The following NSMCE2 variants were observed in gnomAD, a reference collection of about 807,000 sequenced individuals.
NSMCE2 encodes the protein E3 SUMO-protein ligase NSE2.
In NSMCE2, 24 loss-of-function variants were observed where a neutral mutation model predicts 23.8. The ratio of observed to expected loss-of-function variants is 1.01; its 90% confidence interval spans 0.73 to 1.42. NSMCE2 has a LOEUF of 1.42. NSMCE2 is among the 40% of genes most tolerant of loss of function. The pLI is 0.00. For missense variants in NSMCE2, 284 were observed against 296.5 expected (o/e 0.96, Z 0.31); for synonymous variants, 92 against 94.1 (o/e 0.98, Z 0.13).
chr8:125,266,411 T>G (rs540647240), intron 5 of NSMCE2, among the ~76,000 whole-genome samples: 1 of 152,244 alleles, frequency 6.6e-6, no homozygotes, highest in Admixed American at 6.5e-5. Flanking sequence ...CTACAGACTT[T>G]ACTCTTTAGT....
intron 5 of NSMCE2, among the ~76,000 whole-genome samples, chr8:125,303,202 C>T (rs539642240): frequency 6.6e-6 from 1 of 152,302 alleles, no homozygotes; most frequent in East Asian, 1.9e-4. Context: ...TGTGAACCTG[C>T]AGTTCAGCTT....
intron 3 of NSMCE2, among the ~76,000 whole-genome samples, chr8:125,134,440 G>C (rs190054329): frequency 3.3e-5 from 5 of 152,176 alleles, no homozygotes; most frequent in African/African-American, 9.7e-5. Context: ...GCTACAGGCA[G>C]TCTTCTTACT....
intron 4 of NSMCE2, among the ~76,000 whole-genome samples, chr8:125,168,337 A>G (rs1822001301): frequency 6.6e-6 from 1 of 152,164 alleles, no homozygotes; most frequent in African/African-American, 2.4e-5. Context: ...CACTGGGAGG[A>G]GGATGGAAGA....
chr8:125,241,861 G>A (rs904164183), intron 5 of NSMCE2, among the ~76,000 whole-genome samples: 2 of 152,174 alleles, frequency 1.3e-5, no homozygotes, highest in African/African-American at 2.4e-5. Context: ...TAGATATGGT[G>A]GGGAACAAGA....
At chr8:125,098,417 A>G (rs1156516558) in intron 1 of NSMCE2, among the ~76,000 whole-genome samples, 1 of 152,162 alleles carries the variant, frequency 6.6e-6, no homozygotes, top group East Asian at 1.9e-4. Flanking sequence ...CCGGTGAGTC[A>G]GGAAGTCCTT....
intron 5 of NSMCE2, among the ~76,000 whole-genome samples, chr8:125,341,832 T>C (rs751129710): frequency 1.4e-5 from 2 of 143,010 alleles, no homozygotes; most frequent in Non-Finnish European, 3.0e-5. Flanking sequence ...CAGAACCAAC[T>C]TGAAGCCACC....
chr8:125,272,420 G>A (rs1406730257), intron 5 of NSMCE2, among the ~76,000 whole-genome samples: 1 of 150,916 alleles, frequency 6.6e-6, no homozygotes, highest in Non-Finnish European at 1.5e-5. Flanking sequence ...TCAGCATTTA[G>A]ATCTAGAAAA....
intron 4 of NSMCE2, among the ~76,000 whole-genome samples, chr8:125,176,278 A>G (rs763621285): frequency 7.2e-5 from 11 of 152,188 alleles, no homozygotes; most frequent in Non-Finnish European, 1.5e-4. Flanking sequence ...TCAAAAATCT[A>G]ATGCACACTT....
chr8:125,210,945 C>T (rs556513410), intron 5 of NSMCE2, among the ~76,000 whole-genome samples: 1 of 152,002 alleles, frequency 6.6e-6, no homozygotes, highest in Non-Finnish European at 1.5e-5. Flanking sequence ...GTTGGCCAGG[C>T]TGGTCTTGGA....
At chr8:125,230,398 A>G (rs1825276057) in intron 5 of NSMCE2, among the ~76,000 whole-genome samples, 1 of 152,182 alleles carries the variant, frequency 6.6e-6, no homozygotes, top group African/African-American at 2.4e-5. Context: ...GTTTGGTTCA[A>G]TTTCATTTGA....
chr8:125,134,248 G>A (rs1414518184), intron 3 of NSMCE2, among the ~76,000 whole-genome samples: 1 of 152,174 alleles, frequency 6.6e-6, no homozygotes. Context: ...GAAGACTTCT[G>A]AGTCATTATG....
intron 7 of NSMCE2, among the ~76,000 whole-genome samples, chr8:125,364,363 A>G (rs545040451): frequency 9.3e-4 from 142 of 152,346 alleles, no homozygotes; most frequent in African/African-American, 3.2e-3. Context: ...ACTTTCTTTC[A>G]TGTTGGACTG....
intron 5 of NSMCE2, among the ~76,000 whole-genome samples, chr8:125,334,874 A>C (rs1482741461): frequency 7.7e-6 from 1 of 129,448 alleles, no homozygotes; most frequent in Non-Finnish European, 1.6e-5. Context: ...TCCCACCTCA[A>C]CCTCCTGATA....
At chr8:125,316,630 CT>C (rs1377922081) in intron 5 of NSMCE2, among the ~76,000 whole-genome samples, 30 of 56,208 alleles carry the variant, frequency 5.3e-4, no homozygotes, top group African/African-American at 9.3e-4. Flanking sequence ...TCCTTCTTTC[CT>C]TTCTTTATTT....
At chr8:125,328,158 T>TC (rs2131290321) in intron 5 of NSMCE2, among the ~76,000 whole-genome samples, 1 of 152,206 alleles carries the variant, frequency 6.6e-6, no homozygotes, top group East Asian at 1.9e-4. Context: ...GGCCTTTTTT[T>TC]TTTTTTTTTA....
At chr8:125,347,346 G>T (rs1812813886) in intron 5 of NSMCE2, among the ~76,000 whole-genome samples, 1 of 152,010 alleles carries the variant, frequency 6.6e-6, no homozygotes, top group South Asian at 2.1e-4. Context: ...ACACCTCCCT[G>T]GAGAGCCTGG....
At chr8:125,308,837 A>G (rs928209216) in intron 5 of NSMCE2, among the ~76,000 whole-genome samples, 3 of 152,026 alleles carry the variant, frequency 2.0e-5, no homozygotes, top group African/African-American at 7.3e-5. Flanking sequence ...ACCTTTTACT[A>G]TTTCCTTATT....
chr8:125,333,505 C>CTTGTTTTTTTTTTTTT (rs1829956793), intron 5 of NSMCE2, among the ~76,000 whole-genome samples: 1 of 45,638 alleles, frequency 2.2e-5, no homozygotes, highest in Non-Finnish European at 3.8e-5. Flanking sequence ...CCTGGTGGTT[C>CTTGTTTTTTTTTTTTT]TTTTTTTTTT....
intron 5 of NSMCE2, among the ~76,000 whole-genome samples, chr8:125,243,146 G>A (rs1422185184): frequency 6.6e-6 from 1 of 152,196 alleles, no homozygotes; most frequent in Non-Finnish European, 1.5e-5. Context: ...GTATGATGCA[G>A]TTGAGGGGAG....
Sources: gnomAD v4.1 joint callset for allele counts (sites outside exome capture counted in the v4.1 genomes callset) on GRCh38, gnomAD v4.1.1 for gene constraint, MANE v1.5 for transcripts, NCBI Gene and HGNC (gene_info 2026-07-23, HGNC 2026-07-21) for gene names.